The following ERMP1 variants were observed in gnomAD, a reference collection of about 807,000 sequenced individuals.
ERMP1 encodes Felix-ina.
A neutral mutation model predicts 92.0 loss-of-function variants in ERMP1; 86 were observed. The ratio of observed to expected loss-of-function variants is 0.93; its 90% CI spans 0.79 to 1.12. The LOEUF (loss-of-function observed/expected upper bound fraction) is 1.12. ERMP1 is among the 50% of genes most tolerant of loss of function. The pLI is 0.00. For synonymous variants in ERMP1, 530 were observed against 412.8 expected (o/e 1.28, Z -3.44); for missense variants, 1,342 against 1,116.3 (o/e 1.20, Z -2.88).
At chr9:5,850,714 T>A (rs903559394) in intron 6 of ERMP1, among the ~76,000 whole-genome samples, 6 of 152,126 alleles carry the variant, frequency 3.9e-5, no homozygotes, top group African/African-American at 1.4e-4. Context: ...TGCCAGGCAA[T>A]TGTATAATTT....
chr9:5,831,104 A>G, intron 1 of ERMP1, 76 bp from the exon 2 acceptor site: 1 of 1,151,318 alleles, frequency 8.7e-7, no homozygotes, highest in South Asian at 1.5e-5. Flanking sequence ...TCCACTACAC[A>G]CCCCTTCCTC....
At chr9:5,852,266 T>G (rs2129759553) in intron 6 of ERMP1, among the ~76,000 whole-genome samples, 1 of 152,102 alleles carries the variant, frequency 6.6e-6, no homozygotes, top group East Asian at 1.9e-4. Flanking sequence ...TTTTTTGTTT[T>G]TTTGTTTTTT....
chr9:5,799,068 A>T (rs1203419737), intron 11 of ERMP1, 60 bp from the exon 12 acceptor site: 1 of 1,213,194 alleles, frequency 8.2e-7, no homozygotes, highest in East Asian at 2.4e-5. Context: ...TTCCCACCCC[A>T]GATTACAAAA....
chr9:5,787,229 G>C lies in ERMP1; in HGVS notation c.2630C>G (p.Pro877Arg). ...HYLSGEDKRS[P>R]QLDALKEKFP... ...CTTTTCCTTCAGAGCATCCAGTTGA[G>C]GGGATCTCTTGTCTTCCCCAGACAG... is the stretch of plus-strand genomic sequence containing the variant. Residue 877 changes from proline to arginine, a missense_variant, in exon 15 of 15, where the codon CCT (proline) becomes CGT (arginine). By Grantham distance (103) the Pro-to-Arg change is moderately radical. Transcript: ENST00000339450. 3 of 1,614,070 alleles carry C rather than the reference G, an allele frequency of 1.9e-6. No homozygotes were observed. Among genetic ancestry groups the C allele is most frequent in the Non-Finnish European group, 2.5e-6 (3 of 1,179,958 alleles).
At chr9:5,801,945 G>A (rs1331707069) in intron 10 of ERMP1, among the ~76,000 whole-genome samples, 2 of 152,138 alleles carry the variant, frequency 1.3e-5, no homozygotes, top group Admixed American at 1.3e-4. Flanking sequence ...TTGGCATCTA[G>A]AAAATCCTAA....
In ERMP1 at chr9:5,833,102, T is replaced by C. The variant is rs1230964454; in HGVS notation, c.-75A>G. ...CGGCCGCCGCCGACGCCGCCGTCGC[T>C]GCCGCAGCGCCTCCTAGTGAGCGGA... On this transcript the variant is annotated 5_prime_UTR_variant, in exon 1 of 15. Transcript: ENST00000339450. 6.1e-5 allele frequency: 74 copies of C among 1,207,920 alleles called. No homozygotes were observed. The highest frequency in any genetic ancestry group is 7.4e-5 in the Non-Finnish European group (68 of 916,706). 74.8% of individuals were successfully genotyped at this position (1,207,920 alleles called of 1,614,324 possible). A position where few individuals can be genotyped will look rare whatever the true frequency, so the allele number is the denominator to read the frequency against.
chr9:5,813,143 G>A (rs759525830), intron 4 of ERMP1, 108 bp from the exon 5 acceptor site: 56 of 1,103,508 alleles, frequency 5.1e-5, no homozygotes, highest in Non-Finnish European at 6.7e-5. Context: ...TTTGGGAGAC[G>A]GGTCCAATAT....
chr9:5,813,692 T>A (rs10975298), intron 4 of ERMP1, among the ~76,000 whole-genome samples: 1 of 151,558 alleles, frequency 6.6e-6, no homozygotes. Context: ...ATTATAATAA[T>A]CATTTTGATA....
At chr9:5,835,443 G>A (rs1830082138), upstream of ERMP1, among the ~76,000 whole-genome samples, 1 of 152,220 alleles carries the variant, frequency 6.6e-6, no homozygotes, top group Admixed American at 6.5e-5. Context: ...GACAAAAGCT[G>A]CTGTTTTATT....
chr9:5,852,677 A>G (rs772244896), intron 6 of ERMP1, among the ~76,000 whole-genome samples: 6 of 152,004 alleles, frequency 3.9e-5, no homozygotes, highest in Non-Finnish European at 5.9e-5. Context: ...AAAAAAAAGA[A>G]TGTTTTAAGT....
intron 6 of ERMP1, among the ~76,000 whole-genome samples, chr9:5,850,386 C>T (rs1044225145): frequency 1.8e-4 from 15 of 81,936 alleles, no homozygotes; most frequent in South Asian, 1.3e-3. Flanking sequence ...GCCTGGGCGA[C>T]GAGAATGAAA....
chr9:5,863,660 C>T (rs1223116629), intron 5 of ERMP1, among the ~76,000 whole-genome samples: 1 of 152,166 alleles, frequency 6.6e-6, no homozygotes, highest in African/African-American at 2.4e-5. Flanking sequence ...CAAAAGCTTG[C>T]CTGCCCTTGG....
intron 6 of ERMP1, among the ~76,000 whole-genome samples, chr9:5,854,584 T>A (rs1328828380): frequency 6.6e-6 from 1 of 152,152 alleles, no homozygotes; most frequent in Admixed American, 6.5e-5. Flanking sequence ...CAGGCTGGAG[T>A]GCAGTGGTGT....
In ERMP1 at chr9:5,799,012, A is replaced by G. The variant is rs1828561767; in HGVS notation, c.2068-4T>C. The G allele has an allele frequency of 9.4e-6, 15 of 1,591,534 alleles. No homozygotes were observed. Among genetic ancestry groups the G allele is most frequent in the East Asian group, 2.2e-5 (1 of 44,532 alleles). ...CATGGAATGTTCTAGTCATATGCTGAAAAAAAAAGACTAGTGAAAAAACTG... is the reference window on the plus strand; with the variant it reads ...CATGGAATGTTCTAGTCATATGCTGGAAAAAAAAGACTAGTGAAAAAACTG... On this transcript the variant is annotated splice_region_variant and splice_polypyrimidine_tract_variant and intron_variant, in intron 11 of 14. Transcript: ENST00000339450.
chr9:5,830,564 T>G (rs2129688347), intron 2 of ERMP1, among the ~76,000 whole-genome samples, 163 bp downstream of exon 2: 1 of 152,204 alleles, frequency 6.6e-6, no homozygotes, highest in Non-Finnish European at 1.5e-5. Flanking sequence ...AATGGTTAGA[T>G]CCTAAACTAA....
chr9:5,866,002 G>C (rs781020080), intron 5 of ERMP1, among the ~76,000 whole-genome samples: 4 of 151,990 alleles, frequency 2.6e-5, no homozygotes, highest in East Asian at 1.9e-4. Context: ...CATTTTCCAA[G>C]TTTTTGGCAG....
At chr9:5,839,354 A>C (rs2129729190) in intron 6 of ERMP1, among the ~76,000 whole-genome samples, 1 of 152,284 alleles carries the variant, frequency 6.6e-6, no homozygotes, top group East Asian at 1.9e-4. Flanking sequence ...TCCTCATACA[A>C]TAGGAGAAGA....
At chr9:5,801,114 G>GT (rs1405477843) in intron 11 of ERMP1, 62 bp downstream of exon 11, 2 of 1,536,770 alleles carry the variant, frequency 1.3e-6, no homozygotes, top group African/African-American at 2.8e-5. Context: ...ATTCACTACT[G>GT]AAGCTCAAAA....
intron 8 of ERMP1, among the ~76,000 whole-genome samples, chr9:5,809,773 A>G (rs1829019349): frequency 6.6e-6 from 1 of 152,252 alleles, no homozygotes; most frequent in African/African-American, 2.4e-5. Context: ...CAAGCCTTCC[A>G]GTCACCACCA....
Sources: gnomAD v4.1 joint callset for allele counts (sites outside exome capture counted in the v4.1 genomes callset) on GRCh38, gnomAD v4.1.1 for gene constraint, MANE v1.5 for transcripts, NCBI Gene and HGNC (gene_info 2026-07-23, HGNC 2026-07-21) for gene names.